Variants in PECR observed in about 807,000 individuals in gnomAD.
The protein encoded by PECR is 2,4-dienoyl-CoA reductase-related protein.
Under a neutral mutation model 35.3 loss-of-function variants are expected in PECR, and 30 were observed. That is an observed-to-expected ratio of 0.85 (90% confidence interval 0.64 to 1.15). PECR has a LOEUF of 1.15. Among genes scored for constraint, PECR ranks in the 50% most tolerant of loss-of-function variants. The pLI is 0.00. For missense variants in PECR, 392 were observed against 370.8 expected, an observed-to-expected ratio of 1.06 and a Z score of -0.47; for synonymous variants, 148 against 138.9, an observed-to-expected ratio of 1.07 and a Z score of -0.46.
At chr2:216,061,231 G>A (rs915822823) in intron 3 of PECR, among the ~76,000 whole-genome samples, 1 of 137,866 alleles carries the variant, frequency 7.3e-6, no homozygotes, top group African/African-American at 2.7e-5. Flanking sequence ...AGAATCGATT[G>A]AGCCCAGGGG....
At chr2:216,066,842 T>C (rs1472081975) in intron 1 of PECR, among the ~76,000 whole-genome samples, 3 of 152,142 alleles carry the variant, frequency 2.0e-5, no homozygotes, top group African/African-American at 7.2e-5. Flanking sequence ...CACAAGTCAC[T>C]GCACCTGGCC....
intron 7 of PECR, chr2:216,032,732 C>G (rs532377662): frequency 3.3e-5 from 5 of 152,312 alleles, no homozygotes; most frequent in South Asian, 4.1e-4. Context: ...CCCCATGTTA[C>G]CCCCATCCAA....
At chr2:216,073,638 T>A (rs1695628156) in intron 1 of PECR, among the ~76,000 whole-genome samples, 1 of 151,826 alleles carries the variant, frequency 6.6e-6, no homozygotes, top group Non-Finnish European at 1.5e-5. Flanking sequence ...CTTTTGTATG[T>A]TTTTATATAA....
intron 3 of PECR, among the ~76,000 whole-genome samples, chr2:216,063,488 A>C (rs1383739343): frequency 6.6e-6 from 1 of 151,940 alleles, no homozygotes; most frequent in African/African-American, 2.4e-5. Context: ...TGTGGTGGTG[A>C]ATGCCTGTAG....
intron 7 of PECR, among the ~76,000 whole-genome samples, chr2:216,041,240 T>C (rs1014168243): frequency 6.6e-6 from 1 of 152,200 alleles, no homozygotes; most frequent in African/African-American, 2.4e-5. Flanking sequence ...GAAGAAGCTA[T>C]TTGAAATTTC....
intron 1 of PECR, among the ~76,000 whole-genome samples, chr2:216,070,894 C>T (rs963071993): frequency 1.4e-4 from 21 of 152,242 alleles, no homozygotes; most frequent in Admixed American, 2.6e-4. Flanking sequence ...CGCAGTTTGT[C>T]ATTTGCCAAC....
intron 2 of PECR, 27 bp downstream of exon 2, chr2:216,066,358 T>C: frequency 6.3e-7 from 1 of 1,593,206 alleles, no homozygotes; most frequent in South Asian, 1.1e-5. Context: ...AATGAATGAA[T>C]AAATGATACA....
intron 1 of PECR, among the ~76,000 whole-genome samples, chr2:216,071,611 G>C (rs764628350): frequency 6.6e-6 from 1 of 152,116 alleles, no homozygotes; most frequent in Non-Finnish European, 1.5e-5. Context: ...ACAAGCAATA[G>C]TTGTGCAATA....
chr2:216,039,742 C>T (rs776185484), intron 7 of PECR, among the ~76,000 whole-genome samples: 2 of 152,228 alleles, frequency 1.3e-5, no homozygotes, highest in Non-Finnish European at 2.9e-5. Context: ...GTACCAGGCA[C>T]TGCTACTTGC....
intron 1 of PECR, 35 bp from the exon 2 acceptor site, chr2:216,066,553 C>T: frequency 8.1e-6 from 13 of 1,602,934 alleles, no homozygotes; most frequent in Non-Finnish European, 1.1e-5. Context: ...AATAAATATG[C>T]CTTCATGGGA....
chr2:216,046,684 G>C (rs944207994), intron 6 of PECR, among the ~76,000 whole-genome samples: 1 of 152,020 alleles, frequency 6.6e-6, no homozygotes, highest in Non-Finnish European at 1.5e-5. Context: ...ATTACTCTTA[G>C]TTTTCAGAAT....
chr2:216,078,459 C>T (rs970644216), intron 1 of PECR, among the ~76,000 whole-genome samples: 27 of 151,840 alleles, frequency 1.8e-4, no homozygotes, highest in Non-Finnish European at 2.9e-4. Context: ...GGTAAAACCC[C>T]GTCTCTATTA....
At chr2:216,048,249 G>A (rs879912140) in intron 6 of PECR, among the ~76,000 whole-genome samples, 5 of 151,588 alleles carry the variant, frequency 3.3e-5, no homozygotes, top group Non-Finnish European at 5.9e-5. Flanking sequence ...TAATTTTTTT[G>A]TATTTTTAGT....
chr2:216,055,306 G>A (rs565129264), intron 4 of PECR, among the ~76,000 whole-genome samples: 10 of 151,400 alleles, frequency 6.6e-5, no homozygotes, highest in African/African-American at 2.2e-4. Flanking sequence ...GCATGGTGAC[G>A]CATGCCTGTA....
Position 216,066,490 on chromosome 2 carries a change from C to T in PECR, c.153G>A (p.Lys51=). The part of the protein sequence containing the change: ...LGSNVVIASR[K]LERLKSAADE... ...CTGCCGCAGACTTCAATCTCTCCAA[C>T]TTACGGGATGCAATGACCACATTAC... The change falls in exon 2 of 8, where the codon AAG becomes AAA. Residue 51 remains lysine, a synonymous_variant. Transcript: ENST00000265322. 4 of 1,614,044 alleles carry T rather than the reference C, an allele frequency of 2.5e-6. No homozygotes were observed. Among genetic ancestry groups the T allele is most frequent in the Non-Finnish European group, 2.5e-6 (3 of 1,179,946 alleles).
downstream of PECR, among the ~76,000 whole-genome samples, chr2:216,036,835 G>A (rs886067030): frequency 6.6e-6 from 1 of 152,182 alleles, no homozygotes; most frequent in Non-Finnish European, 1.5e-5. Context: ...CTGAACATAA[G>A]CCACAAAGCA....
At chr2:216,049,466 AT>A (rs1406719736) in intron 5 of PECR, 93 bp from the exon 6 acceptor site, 2 of 646,104 alleles carry the variant, frequency 3.1e-6, no homozygotes, top group Non-Finnish European at 5.5e-6. Flanking sequence ...CATTTCAAAC[AT>A]TAAGTAGCTT....
At chr2:216,034,605 G>A (rs1185018160), downstream of PECR, among the ~76,000 whole-genome samples, 8 of 152,242 alleles carry the variant, frequency 5.3e-5, no homozygotes, top group Non-Finnish European at 1.0e-4. Context: ...CCGTGATGGT[G>A]GAGATGGAAA....
chr2:216,071,955 C>G (rs1270730173), intron 1 of PECR, among the ~76,000 whole-genome samples: 2 of 152,186 alleles, frequency 1.3e-5, no homozygotes, highest in African/African-American at 4.8e-5. Flanking sequence ...TGAATGGTTT[C>G]AGCTTGCATG....
Sources: allele counts gnomAD v4.1 joint callset (sites outside exome capture counted in the v4.1 genomes callset), GRCh38; gene constraint gnomAD v4.1.1; transcripts MANE v1.5; gene names NCBI Gene and HGNC (gene_info 2026-07-23, HGNC 2026-07-21).